SKAP2: variants seen among roughly 807,000 people sequenced by gnomAD.
SKAP2 encodes src kinase associated phosphoprotein 2.
SKAP2 carries 28 observed loss-of-function variants against 54.9 expected under a neutral mutation model. The ratio of observed to expected loss-of-function variants is 0.51; its 90% confidence interval spans 0.38 to 0.70. The LOEUF (loss-of-function observed/expected upper bound fraction) is 0.70. Ranked by LOEUF, SKAP2 falls within the 30% of genes least tolerant of loss-of-function variation. SKAP2 has a pLI of 0.00. For missense variants in SKAP2, 356 were observed against 424.1 expected, an observed-to-expected ratio of 0.84 and a Z score of 1.41; for synonymous variants, 137 against 134.3, an observed-to-expected ratio of 1.02 and a Z score of -0.14.
intron 6 of SKAP2, among the ~76,000 whole-genome samples, chr7:26,727,575 G>A (rs182547992): frequency 1.5e-3 from 234 of 152,210 alleles, no homozygotes; most frequent in African/African-American, 5.1e-3. Context: ...AAACTATGTG[G>A]ATAAAGAAGA....
intron 11 of SKAP2, among the ~76,000 whole-genome samples, chr7:26,673,637 G>A (rs1482531063): frequency 6.6e-6 from 1 of 152,048 alleles, no homozygotes; most frequent in African/African-American, 2.4e-5. Flanking sequence ...GCAAAATGTA[G>A]TGTGGCAATC....
chr7:26,752,246 G>T (rs1450946153), intron 4 of SKAP2, among the ~76,000 whole-genome samples: 1 of 152,080 alleles, frequency 6.6e-6, no homozygotes, highest in Non-Finnish European at 1.5e-5. Context: ...ACATATCATT[G>T]TTCAGGGAAG....
intron 3 of SKAP2, among the ~76,000 whole-genome samples, chr7:26,849,629 G>A (rs574361558): frequency 6.7e-6 from 1 of 148,466 alleles, no homozygotes; most frequent in African/African-American, 2.5e-5. Context: ...AGGTTGTAGT[G>A]AGCAGAGACC....
intron 4 of SKAP2, among the ~76,000 whole-genome samples, chr7:26,743,606 C>T (rs955090820): frequency 6.6e-6 from 1 of 151,844 alleles, no homozygotes; most frequent in Non-Finnish European, 1.5e-5. Flanking sequence ...TTTCAGTGCC[C>T]GAAAAAGTAA....
chr7:26,657,250 C>G, the SKAP2 span, among the ~76,000 whole-genome samples: 1 of 152,202 alleles, frequency 6.6e-6, no homozygotes, highest in East Asian at 1.9e-4. Context: ...TTTTTCTTCC[C>G]CTGTGAGGGG....
chr7:26,748,521 T>C (rs1052525848), intron 4 of SKAP2, among the ~76,000 whole-genome samples: 52 of 152,092 alleles, frequency 3.4e-4, no homozygotes, highest in African/African-American at 1.2e-3. Flanking sequence ...AAAATTTAAA[T>C]CAAATTTTGC....
intron 9 of SKAP2, 33 bp from the exon 10 acceptor site, chr7:26,690,395 G>A: frequency 2.8e-6 from 4 of 1,431,642 alleles, no homozygotes; most frequent in Non-Finnish European, 3.9e-6. Flanking sequence ...GCACATTGAA[G>A]GGTTTTCTCA....
chr7:26,773,486 G>A (rs979678987), intron 4 of SKAP2, among the ~76,000 whole-genome samples: 1 of 152,178 alleles, frequency 6.6e-6, no homozygotes, highest in South Asian at 2.1e-4. Flanking sequence ...ACAAATGCCA[G>A]TTTAATAAAG....
At chr7:26,780,916 C>T (rs1238265162) in intron 4 of SKAP2, among the ~76,000 whole-genome samples, 2 of 152,088 alleles carry the variant, frequency 1.3e-5, no homozygotes, top group Non-Finnish European at 2.9e-5. Flanking sequence ...GGCTATTGTA[C>T]TACGTATCAT....
intron 4 of SKAP2, among the ~76,000 whole-genome samples, chr7:26,761,461 C>G (rs979713639): frequency 6.6e-6 from 1 of 152,204 alleles, no homozygotes; most frequent in Non-Finnish European, 1.5e-5. Context: ...TTTTCAGATA[C>G]TAAGCAAAAT....
At chr7:26,777,130 A>G (rs1444877140) in intron 4 of SKAP2, among the ~76,000 whole-genome samples, 1 of 152,194 alleles carries the variant, frequency 6.6e-6, no homozygotes, top group Non-Finnish European at 1.5e-5. Flanking sequence ...AAAATATTAT[A>G]AACTTAAAGA....
At chr7:26,694,250 A>T (rs1768991545) in intron 9 of SKAP2, among the ~76,000 whole-genome samples, 2 of 152,196 alleles carry the variant, frequency 1.3e-5, no homozygotes, top group African/African-American at 4.8e-5. Context: ...CAGTAAACAA[A>T]AACAGCTCAG....
Position 26,750,373 on chromosome 7 carries a change from G to A in SKAP2, c.308-10409C>T, listed in dbSNP as rs150528248. 5.9e-3 allele frequency among the ~76,000 whole-genome samples: 871 copies of A among 148,048 alleles called. 10 individuals carry two copies. Among genetic ancestry groups the A allele is most frequent in the African/African-American group, 0.02 (819 of 40,098 alleles). On this transcript the variant is annotated intron_variant, in intron 4 of 12. Transcript: ENST00000345317. Reference sequence around the variant, plus strand: ...TTCACCCAGGATGGAGTGCAGTGGCGTGATCTTGGCTCGCTGCAACCTCCA... The same window carrying A: ...TTCACCCAGGATGGAGTGCAGTGGCATGATCTTGGCTCGCTGCAACCTCCA...
intron 4 of SKAP2, among the ~76,000 whole-genome samples, chr7:26,796,485 T>C (rs10247117): frequency 0.086 from 13,048 of 152,278 alleles, 628 homozygotes; most frequent in Middle Eastern, 0.16. Context: ...ATGGGACCCA[T>C]ACAAAGTGCC....
intron 4 of SKAP2, among the ~76,000 whole-genome samples, chr7:26,793,928 C>T (rs1783717994): frequency 6.6e-6 from 1 of 152,096 alleles, no homozygotes; most frequent in Non-Finnish European, 1.5e-5. Context: ...AATGTGCCTA[C>T]CTAGGAAATT....
At chr7:26,700,769 A>G (rs1336612211) in intron 9 of SKAP2, among the ~76,000 whole-genome samples, 7 of 152,174 alleles carry the variant, frequency 4.6e-5, no homozygotes, top group Non-Finnish European at 4.4e-5. Context: ...AGGGAACCCA[A>G]CTTGAGACAC....
intron 4 of SKAP2, among the ~76,000 whole-genome samples, chr7:26,810,996 T>C (rs186907117): frequency 3.9e-5 from 6 of 152,186 alleles, no homozygotes; most frequent in African/African-American, 1.2e-4. Context: ...ATAATTTTAA[T>C]TGTCAATTTA....
At chr7:26,755,558 G>A (rs1245182125) in intron 4 of SKAP2, among the ~76,000 whole-genome samples, 1 of 152,118 alleles carries the variant, frequency 6.6e-6, no homozygotes, top group African/African-American at 2.4e-5. Flanking sequence ...CATGAAAAGA[G>A]ATGAGTGTTT....
At chr7:26,862,000 T>C (rs1282791764) in intron 1 of SKAP2, among the ~76,000 whole-genome samples, 1 of 152,016 alleles carries the variant, frequency 6.6e-6, no homozygotes, top group African/African-American at 2.4e-5. Flanking sequence ...GTACCATGCA[T>C]TCTAAGAGCA....
Sources: gnomAD v4.1 joint callset for allele counts (sites outside exome capture counted in the v4.1 genomes callset) on GRCh38, gnomAD v4.1.1 for gene constraint, MANE v1.5 for transcripts, NCBI Gene and HGNC (gene_info 2026-07-23, HGNC 2026-07-21) for gene names.